The following GADL1 variants were observed in gnomAD, a reference collection of about 807,000 sequenced individuals.
The protein encoded by GADL1 is acidic amino acid decarboxylase GADL1.
In GADL1, 71 loss-of-function variants were observed where a neutral mutation model predicts 69.5. That is an observed-to-expected ratio of 1.02 (90% CI 0.84 to 1.25). The LOEUF is 1.25. Ranked by LOEUF, GADL1 falls within the 50% of genes most tolerant of loss-of-function variation. The pLI, the probability that GADL1 is intolerant of heterozygous loss-of-function variation, is 0.00. For synonymous variants in GADL1, 254 were observed against 214.4 expected, an observed-to-expected ratio of 1.18 and a Z score of -1.62; for missense variants, 737 against 631.8, an observed-to-expected ratio of 1.17 and a Z score of -1.79.
intron 1 of GADL1, among the ~76,000 whole-genome samples, chr3:30,866,466 A>G (rs966598058): frequency 3.3e-5 from 5 of 152,064 alleles, no homozygotes; most frequent in African/African-American, 1.2e-4. Flanking sequence ...CTCAAAAATA[A>G]TAGTAATAAT....
In GADL1 at chr3:30,728,146, A is replaced by C. The variant is rs1166219100; in HGVS notation, c.*96T>G. On this transcript the variant is annotated 3_prime_UTR_variant, in exon 15 of 15. Transcript: ENST00000282538. ...GGACTGGGAGTATTCCCTATTTCTC[A>C]TCAGAAGGGCTGCAATCTACTGTGT... 1 of 1,119,340 alleles carries C rather than the reference A, an allele frequency of 8.9e-7. No homozygotes were observed. Among genetic ancestry groups the C allele is most frequent in the East Asian group, 2.4e-5 (1 of 42,014 alleles). The allele number at this position is 1,119,340 out of a possible 1,614,324, so 69.3% of individuals were successfully genotyped here. A position where few individuals can be genotyped will look rare whatever the true frequency, so the allele number is the denominator to read the frequency against.
intron 1 of GADL1, among the ~76,000 whole-genome samples, chr3:30,886,559 G>A (rs1447158062): frequency 1.3e-5 from 2 of 152,112 alleles, no homozygotes; most frequent in Admixed American, 6.5e-5. Flanking sequence ...CTGACAAAGG[G>A]GCATCATTGA....
intron 6 of GADL1, among the ~76,000 whole-genome samples, chr3:30,845,801 G>T (rs1368371998): frequency 6.6e-6 from 1 of 152,138 alleles, no homozygotes; most frequent in Non-Finnish European, 1.5e-5. Flanking sequence ...TAGCTCGGGT[G>T]AATTATTTCT....
At chr3:30,774,846 G>A (rs950405124) in intron 14 of GADL1, among the ~76,000 whole-genome samples, 1 of 152,078 alleles carries the variant, frequency 6.6e-6, no homozygotes, top group African/African-American at 2.4e-5. Flanking sequence ...TAGGGAACAG[G>A]AAGCAAGTCA....
Position 30,844,426 on chromosome 3 carries a change from A to G in GADL1, c.692T>C (p.Ile231Thr), listed in dbSNP as rs1350476215. 3.7e-6 allele frequency: 6 copies of G among 1,613,594 alleles called. No homozygotes were observed. The highest frequency in any genetic ancestry group is 1.3e-5 in the African/African-American group (1 of 75,024). Reference sequence around the variant, plus strand: ...CACAAAGCAAACATTCTCAGTGCCAATCCCAAGAAAAGAGGCTGCCTTCTT... The same window carrying G: ...CACAAAGCAAACATTCTCAGTGCCAGTCCCAAGAAAAGAGGCTGCCTTCTT... ...SMKKAASFLGIGTENVCFVET... is the reference protein window; with the variant it reads ...SMKKAASFLGTGTENVCFVET... Residue 231 changes from isoleucine to threonine, a missense_variant, in exon 7 of 15, where the codon ATT becomes ACT. By Grantham distance (89) the Ile-to-Thr change is moderately conservative (BLOSUM62 -1). Transcript: ENST00000282538.
At chr3:30,862,287 A>T (rs1698332182) in intron 1 of GADL1, among the ~76,000 whole-genome samples, 1 of 152,002 alleles carries the variant, frequency 6.6e-6, no homozygotes, top group Admixed American at 6.6e-5. Context: ...GGAGAGTTCG[A>T]GATGGAGGAA....
chr3:30,773,071 CAT>C (rs1284543763), intron 14 of GADL1, among the ~76,000 whole-genome samples: 2 of 151,994 alleles, frequency 1.3e-5, no homozygotes, highest in African/African-American at 4.8e-5. Flanking sequence ...GGGAACACAT[CAT>C]GAGAAAATAG....
intron 1 of GADL1, among the ~76,000 whole-genome samples, chr3:30,881,807 A>G (rs1243524155): frequency 6.6e-6 from 1 of 151,970 alleles, no homozygotes; most frequent in Non-Finnish European, 1.5e-5. Flanking sequence ...AAAAGGTGGT[A>G]CCTTTAAATA....
intron 3 of GADL1, 38 bp from the exon 4 acceptor site, chr3:30,854,827 TAAAA>T (rs112640860): frequency 1.1e-6 from 1 of 870,182 alleles, no homozygotes; most frequent in South Asian, 1.8e-5. Context: ...TATGCAGCAA[TAAAA>T]AAAAAAACTA....
intron 2 of GADL1, among the ~76,000 whole-genome samples, chr3:30,858,686 C>T (rs1698268703): frequency 6.6e-6 from 1 of 151,850 alleles, no homozygotes; most frequent in Admixed American, 6.6e-5. Flanking sequence ...GGACAAGGCA[C>T]CTTCAGAATA....
intron 14 of GADL1, among the ~76,000 whole-genome samples, chr3:30,758,742 A>G (rs954359042): frequency 1.3e-5 from 2 of 152,214 alleles, no homozygotes; most frequent in African/African-American, 4.8e-5. Flanking sequence ...TTGTATTTCC[A>G]TAAAGCAAGT....
chr3:30,766,005 A>C (rs1696267140), intron 14 of GADL1, among the ~76,000 whole-genome samples: 1 of 152,200 alleles, frequency 6.6e-6, no homozygotes, highest in Non-Finnish European at 1.5e-5. Flanking sequence ...AGGTGCCAGG[A>C]AATAAGTCTT....
In GADL1 at chr3:30,852,530, A is replaced by G. The variant is rs547139923; in HGVS notation, c.429-1589T>C. Among the ~76,000 whole-genome samples, 5 of 152,248 alleles carry G rather than the reference A, an allele frequency of 3.3e-5. No homozygotes were observed. The East Asian group carries it at 9.7e-4, about 29-fold the overall frequency. On this transcript the variant is annotated intron_variant, in intron 4 of 14. Transcript: ENST00000282538. ...CATCTCCAAAACAAAATTTAAAAAG[A>G]TAGATTCTGTTTCTTAACCACGTTA...
intron 11 of GADL1, among the ~76,000 whole-genome samples, chr3:30,823,844 A>G (rs901124309): frequency 1.3e-5 from 2 of 152,014 alleles, no homozygotes; most frequent in Admixed American, 1.3e-4. Flanking sequence ...AGCTAGAAAG[A>G]CAAAATAACT....
chr3:30,821,023 G>A (rs148477349), intron 11 of GADL1, among the ~76,000 whole-genome samples: 237 of 152,124 alleles, frequency 1.6e-3, no homozygotes, highest in African/African-American at 5.4e-3. Context: ...TCCTTTGTAG[G>A]GACATGGATG....
chr3:30,728,015 G>A lies in GADL1; in HGVS notation c.*227C>T. ...GCTGTGTTCCAGGGGCATTCCTTGA[G>A]AAAATCATTTTTTTTTTTAAACTTT... On this transcript the variant is annotated 3_prime_UTR_variant, in exon 15 of 15. Coordinates refer to ENST00000282538, the MANE Select transcript of GADL1 (RefSeq NM_207359.3). 1 of 429,776 alleles carries A rather than the reference G, an allele frequency of 2.3e-6. No individual in the cohort carries two copies. Among genetic ancestry groups the A allele is most frequent in the Non-Finnish European group, 4.2e-6 (1 of 239,880 alleles). The allele number at this position is 429,776 out of a possible 1,614,324, so 26.6% of individuals were successfully genotyped here.
At chr3:30,785,829 T>C (rs535740370) in intron 13 of GADL1, among the ~76,000 whole-genome samples, 34 of 152,308 alleles carry the variant, frequency 2.2e-4, no homozygotes, top group African/African-American at 7.5e-4. Context: ...ATTAAATATT[T>C]ATATTTTCTA....
intron 1 of GADL1, among the ~76,000 whole-genome samples, chr3:30,871,525 A>G (rs1397776616): frequency 6.6e-6 from 1 of 151,834 alleles, no homozygotes; most frequent in African/African-American, 2.4e-5. Context: ...CAGTAAGTCT[A>G]TGTTCTAAAA....
chr3:30,860,482 G>A lies in GADL1; in HGVS notation c.210+1111C>T, dbSNP rs189792064. Reference sequence around the variant, plus strand: ...TATTTCACAAGTACAGAGAAGAACAGAAATTATATAATTATAAATATGCTA... The same window carrying A: ...TATTTCACAAGTACAGAGAAGAACAAAAATTATATAATTATAAATATGCTA... On this transcript the variant is annotated intron_variant, in intron 2 of 14. Coordinates refer to ENST00000282538, the MANE Select transcript of GADL1 (RefSeq NM_207359.3). 2.4e-3 allele frequency among the ~76,000 whole-genome samples: 372 copies of A among 152,004 alleles called. 2 individuals are homozygous for A. The highest frequency in any genetic ancestry group is 3.2e-3 in the Non-Finnish European group (216 of 67,924).
Sources: gnomAD v4.1 joint callset for allele counts (sites outside exome capture counted in the v4.1 genomes callset) on GRCh38, gnomAD v4.1.1 for gene constraint, MANE v1.5 for transcripts, NCBI Gene and HGNC (gene_info 2026-07-23, HGNC 2026-07-21) for gene names.